The following ORC5 variants were observed in gnomAD, a reference collection of about 807,000 sequenced individuals.
ORC5 encodes protein phosphatase 1, regulatory subunit 117.
Under a neutral mutation model 58.8 loss-of-function variants are expected in ORC5, and 39 were observed. The ratio of observed to expected loss-of-function variants is 0.66; its 90% CI spans 0.51 to 0.87. ORC5 has a LOEUF of 0.87. Among genes scored for constraint, ORC5 ranks in the 40% least tolerant of loss-of-function variants. The pLI, the probability that ORC5 is intolerant of heterozygous loss-of-function variation, is 0.00. For synonymous variants in ORC5, 218 were observed against 177.6 expected (o/e 1.23, Z -1.81); for missense variants, 493 against 506.3 (o/e 0.97, Z 0.25).
chr7:104,161,207 G>A (rs747749149), intron 11 of ORC5, 25 bp from the exon 12 acceptor site: 1 of 1,300,326 alleles, frequency 7.7e-7, no homozygotes, highest in Non-Finnish European at 1.1e-6. Flanking sequence ...ACAAAAACAT[G>A]GATTTTCTTC....
In ORC5 at chr7:104,207,801, C is replaced by T; in HGVS notation, c.72+32G>A. On this transcript the variant is annotated intron_variant, in intron 1 of 13. Coordinates refer to ENST00000297431, the MANE Select transcript of ORC5 (RefSeq NM_002553.4). Reference sequence around the variant, plus strand: ...CGCAAGACTACCGAAACGTCTGCCTCCAGGATCTGGAAGACAGTTTAACTA... The same window carrying T: ...CGCAAGACTACCGAAACGTCTGCCTTCAGGATCTGGAAGACAGTTTAACTA... 3 of 1,598,022 alleles carry T rather than the reference C, an allele frequency of 1.9e-6. No homozygotes were observed. In the South Asian group the frequency reaches 3.3e-5, roughly 18 times the overall value.
intron 5 of ORC5, among the ~76,000 whole-genome samples, chr7:104,191,907 A>G (rs1296551983): frequency 6.6e-6 from 1 of 152,142 alleles, no homozygotes; most frequent in East Asian, 1.9e-4. Flanking sequence ...GTGAGGGAGT[A>G]GGAACATCCA....
intron 11 of ORC5, among the ~76,000 whole-genome samples, chr7:104,162,050 A>AT (rs921731562): frequency 6.6e-6 from 1 of 152,190 alleles, no homozygotes; most frequent in African/African-American, 2.4e-5. Context: ...ATTTAAAAAA[A>AT]TTTTTTCAAT....
intron 11 of ORC5, among the ~76,000 whole-genome samples, chr7:104,163,084 A>G (rs1282839958): frequency 6.6e-6 from 1 of 152,218 alleles, no homozygotes; most frequent in African/African-American, 2.4e-5. Flanking sequence ...ATTACAAATA[A>G]TCCTGTGACT....
chr7:104,144,399 G>C (rs1232839202), intron 12 of ORC5, among the ~76,000 whole-genome samples: 1 of 151,910 alleles, frequency 6.6e-6, no homozygotes, highest in Non-Finnish European at 1.5e-5. Context: ...CCTTAAATTG[G>C]CTAATTTTTA....
intron 8 of ORC5, 139 bp from the exon 9 acceptor site, chr7:104,168,664 A>ATTTTTTTTTTTTTT: frequency 2.0e-6 from 1 of 488,738 alleles, no homozygotes; most frequent in Non-Finnish European, 3.6e-6. Context: ...TGCAATAAAC[A>ATTTTTTTTTTTTTT]TGTTTGTACC....
intron 8 of ORC5, among the ~76,000 whole-genome samples, chr7:104,182,776 T>C (rs537721148): frequency 3.3e-5 from 5 of 152,318 alleles, no homozygotes; most frequent in South Asian, 2.1e-4. Context: ...CAAACTGAGA[T>C]TGTCATATTA....
chr7:104,173,945 C>T (rs888998194), intron 8 of ORC5, among the ~76,000 whole-genome samples: 13 of 147,630 alleles, frequency 8.8e-5, no homozygotes, highest in African/African-American at 1.7e-4. Flanking sequence ...CCCGGGTTCA[C>T]GCCATTATCC....
intron 8 of ORC5, 99 bp downstream of exon 8, chr7:104,183,844 T>C (rs1427619535): frequency 1.3e-6 from 1 of 791,980 alleles, no homozygotes; most frequent in East Asian, 2.6e-5. Flanking sequence ...AACAGATATC[T>C]TTTTCTTTTA....
At chr7:104,204,941 G>A (rs1800037980) in intron 1 of ORC5, among the ~76,000 whole-genome samples, 1 of 152,052 alleles carries the variant, frequency 6.6e-6, no homozygotes, top group African/African-American at 2.4e-5. Flanking sequence ...TTAAATGAAC[G>A]CTTTCATTAG....
chr7:104,131,455 T>C (rs536029601), intron 13 of ORC5, among the ~76,000 whole-genome samples: 1 of 152,368 alleles, frequency 6.6e-6, no homozygotes, highest in South Asian at 2.1e-4. Flanking sequence ...TCATTAACTC[T>C]CCTTCTCTAT....
chr7:104,167,958 AC>A (rs2115878092), intron 9 of ORC5: 1 of 143,108 alleles, frequency 7.0e-6, no homozygotes, highest in East Asian at 1.9e-4. Flanking sequence ...TCAGCCACTG[AC>A]TTTTAAAAAA....
Position 104,154,277 on chromosome 7 carries a change from C to T in ORC5, c.1149+6795G>A, listed in dbSNP as rs1300527584. ...ATTTAGTTATAAATATCAATCATTG[C>T]TTCAAACACTAAGTTCAAGGCATGT... On this transcript the variant is annotated intron_variant, in intron 12 of 13. Transcript: ENST00000297431. Among the ~76,000 whole-genome samples, 18 of 152,096 alleles carry T rather than the reference C, an allele frequency of 1.2e-4. No individual in the cohort carries two copies. The South Asian group carries it at 2.9e-3, about 24-fold the overall frequency.
chr7:104,160,026 TCTACCTACCTATCTAGGTAG>T (rs1240648370), intron 12 of ORC5, among the ~76,000 whole-genome samples: 8 of 152,202 alleles, frequency 5.3e-5, no homozygotes, highest in African/African-American at 1.9e-4. Flanking sequence ...GCATTAGTGA[TCTACCTACCTATCTAGGTAG>T]CTATCTACCT....
intron 8 of ORC5, among the ~76,000 whole-genome samples, chr7:104,173,871 G>C (rs1425548616): frequency 7.6e-6 from 1 of 131,310 alleles, no homozygotes; most frequent in Non-Finnish European, 1.6e-5. Context: ...TTGAGACGGA[G>C]TCTCGCTCTG....
intron 12 of ORC5, among the ~76,000 whole-genome samples, chr7:104,153,680 A>G (rs1562809243): frequency 6.6e-6 from 1 of 152,160 alleles, no homozygotes; most frequent in South Asian, 2.1e-4. Flanking sequence ...CACGTTTCTA[A>G]TAATTTAGTA....
At position 104,136,636 on chromosome 7, in the gene ORC5, G is replaced by T. The variant is rs917058802; in HGVS notation, c.1262+145C>A. 8 of 531,774 alleles carry T rather than the reference G, an allele frequency of 1.5e-5. No individual in the cohort carries two copies. In the African/African-American group the frequency reaches 1.5e-4, roughly 10 times the overall value. 32.9% of individuals were successfully genotyped at this position (531,774 alleles called of 1,614,324 possible). On this transcript the variant is annotated intron_variant, in intron 13 of 13. Coordinates refer to ENST00000297431, the MANE Select transcript of ORC5 (RefSeq NM_002553.4). This position sits in a 1 kb window ranked among gnomAD's most constrained non-coding sequence, Gnocchi z 4.2. ...TTTACATCATTTGTAAATTTGAGAAGGTTCATTCTATCGTACAGCTTATTC... is the reference window on the plus strand; with the variant it reads ...TTTACATCATTTGTAAATTTGAGAATGTTCATTCTATCGTACAGCTTATTC...
At chr7:104,207,210 T>C (rs1800110146) in intron 1 of ORC5, among the ~76,000 whole-genome samples, 1 of 150,148 alleles carries the variant, frequency 6.7e-6, no homozygotes, top group Non-Finnish European at 1.5e-5. Context: ...AAATTTTGAA[T>C]TGGTGAACGC....
At chr7:104,127,233 T>C (rs1487556312) in intron 13 of ORC5, among the ~76,000 whole-genome samples, 2 of 152,238 alleles carry the variant, frequency 1.3e-5, no homozygotes, top group East Asian at 1.9e-4. Flanking sequence ...ATAAAGTAAT[T>C]AGAGATTCAA....
Sources: gnomAD v4.1 joint callset for allele counts (sites outside exome capture counted in the v4.1 genomes callset) on GRCh38, gnomAD v4.1.1 for gene constraint, Gnocchi (gnomAD v3.1) non-coding constraint, MANE v1.5 for transcripts, NCBI Gene and HGNC (gene_info 2026-07-23, HGNC 2026-07-21) for gene names.